Variants in FER observed in about 807,000 individuals in gnomAD.
The protein encoded by FER is FER tyrosine kinase.
FER carries 63 observed loss-of-function variants against 111.0 expected under a neutral mutation model. That is an observed-to-expected ratio of 0.57 (90% CI 0.46 to 0.70). FER has a LOEUF of 0.70. FER is among the 30% of genes least tolerant of loss of function. The pLI, the probability that FER is intolerant of heterozygous loss-of-function variation, is 0.00. For synonymous variants in FER, 327 were observed against 313.9 expected (o/e 1.04, Z -0.44); for missense variants, 914 against 954.0 (o/e 0.96, Z 0.55).
chr5:109,187,545 G>C lies in FER; in HGVS notation c.2439G>C (p.Glu813Asp), dbSNP rs1261225256. The C allele has an allele frequency of 2.5e-6, 4 of 1,614,066 alleles. No individual in the cohort carries two copies. The highest frequency in any genetic ancestry group is 1.7e-5 in the Admixed American group (1 of 60,016). The change falls in exon 20 of 20, where the codon GAG (glutamate) becomes GAC (aspartate). Residue 813 changes from glutamate to aspartate, a missense_variant. Glu to Asp is a conservative substitution (Grantham distance 45). Transcript: ENST00000281092. ...NRPKFSELQK[E>D]LTIIKRKLT ...CTAAGTTCAGTGAACTTCAGAAAGA[G>C]CTCACTATCATCAAGAGAAAACTCA...
intron 2 of FER, among the ~76,000 whole-genome samples, chr5:108,793,923 C>T (rs1024690623): frequency 1.3e-5 from 2 of 152,140 alleles, no homozygotes; most frequent in Admixed American, 1.3e-4. Flanking sequence ...AAACTCTACA[C>T]TTTAACTTTG....
chr5:109,111,033 C>G (rs934939241), intron 17 of FER, among the ~76,000 whole-genome samples: 1 of 152,068 alleles, frequency 6.6e-6, no homozygotes, highest in African/African-American at 2.4e-5. Flanking sequence ...CACTCAGAGT[C>G]TTAGCTACAG....
intron 13 of FER, among the ~76,000 whole-genome samples, chr5:109,000,831 T>A (rs114356744): frequency 1.3e-5 from 2 of 151,882 alleles, no homozygotes; most frequent in Non-Finnish European, 2.9e-5. Context: ...TATCACCACC[T>A]GTCCCACAGA....
intron 16 of FER, among the ~76,000 whole-genome samples, chr5:109,059,969 C>T (rs1431642721): frequency 6.6e-6 from 1 of 152,102 alleles, no homozygotes; most frequent in Non-Finnish European, 1.5e-5. Flanking sequence ...TTTAGTATAT[C>T]CATACAGTAA....
At chr5:109,009,015 A>G (rs1290551637) in intron 13 of FER, among the ~76,000 whole-genome samples, 1 of 144,778 alleles carries the variant, frequency 6.9e-6, no homozygotes, top group Non-Finnish European at 1.5e-5. Flanking sequence ...CAAAGCTTTC[A>G]TTTCACTAGT....
At chr5:108,956,849 C>T (rs752218301) in intron 12 of FER, among the ~76,000 whole-genome samples, 7 of 151,438 alleles carry the variant, frequency 4.6e-5, no homozygotes, top group Non-Finnish European at 8.9e-5. Context: ...GCCTCATATA[C>T]CTGTTGACTA....
chr5:109,047,083 G>A (rs528065795), intron 15 of FER, 21 bp from the exon 16 acceptor site: 35 of 1,254,750 alleles, frequency 2.8e-5, no homozygotes, highest in Admixed American at 1.3e-4. Flanking sequence ...ATAACTATTC[G>A]TATATTTTCA....
At chr5:108,984,058 A>C (rs1372681963) in intron 13 of FER, among the ~76,000 whole-genome samples, 1 of 152,076 alleles carries the variant, frequency 6.6e-6, no homozygotes, top group Admixed American at 6.6e-5. Flanking sequence ...CTTGAAATGT[A>C]TACTCTGGGG....
chr5:109,003,073 T>C (rs564380095), intron 13 of FER, among the ~76,000 whole-genome samples: 1 of 152,208 alleles, frequency 6.6e-6, no homozygotes, highest in East Asian at 1.9e-4. Context: ...TCCTCAGGGA[T>C]CTAGAACTAG....
At chr5:109,031,420 TTTAA>T (rs1373469616) in intron 13 of FER, among the ~76,000 whole-genome samples, 2 of 152,198 alleles carry the variant, frequency 1.3e-5, no homozygotes, top group Non-Finnish European at 2.9e-5. Context: ...ACCATAGTAT[TTTAA>T]TTGTTTGTTT....
intron 16 of FER, among the ~76,000 whole-genome samples, chr5:109,071,708 C>T (rs1291555832): frequency 6.6e-6 from 1 of 151,588 alleles, no homozygotes; most frequent in Non-Finnish European, 1.5e-5. Context: ...GAGAAGAGGA[C>T]ACGGGGAATT....
At chr5:109,061,832 G>A (rs1480260536) in intron 16 of FER, among the ~76,000 whole-genome samples, 3 of 152,158 alleles carry the variant, frequency 2.0e-5, no homozygotes, top group Non-Finnish European at 2.9e-5. Flanking sequence ...TTTCTAAAAT[G>A]TATTATGCAG....
chr5:109,068,458 A>C (rs1030225071), intron 16 of FER, among the ~76,000 whole-genome samples: 3 of 152,176 alleles, frequency 2.0e-5, no homozygotes, highest in African/African-American at 7.2e-5. Flanking sequence ...CTGGGATTAC[A>C]AGTGTGAGCC....
chr5:108,840,319 T>C (rs1206242723), intron 5 of FER, among the ~76,000 whole-genome samples: 1 of 152,206 alleles, frequency 6.6e-6, no homozygotes, highest in Non-Finnish European at 1.5e-5. Context: ...GTAAAAGTAA[T>C]AGCTATTTTC....
At chr5:108,818,549 G>A (rs1359493070) in intron 3 of FER, among the ~76,000 whole-genome samples, 1 of 152,058 alleles carries the variant, frequency 6.6e-6, no homozygotes, top group Admixed American at 6.6e-5. Context: ...TCTGAAAAAT[G>A]TTCTAAAATT....
intron 10 of FER, among the ~76,000 whole-genome samples, chr5:108,903,029 C>G (rs1750260269): frequency 6.6e-6 from 1 of 151,802 alleles, no homozygotes; most frequent in Non-Finnish European, 1.5e-5. Flanking sequence ...ACTTCGTTTT[C>G]CCTTCAGAAT....
intron 14 of FER, among the ~76,000 whole-genome samples, chr5:109,041,356 AAGG>A (rs2149892977): frequency 6.6e-6 from 1 of 152,236 alleles, no homozygotes; most frequent in Non-Finnish European, 1.5e-5. Flanking sequence ...TGGAACACAG[AAGG>A]AGGAGAATAT....
At chr5:109,160,891 A>C (rs1755916871) in intron 17 of FER, among the ~76,000 whole-genome samples, 1 of 152,200 alleles carries the variant, frequency 6.6e-6, no homozygotes. Context: ...TCTCTTGGGA[A>C]TCTGAAAGAC....
At chr5:109,145,008 G>C (rs1290877458) in intron 17 of FER, among the ~76,000 whole-genome samples, 1 of 151,352 alleles carries the variant, frequency 6.6e-6, no homozygotes, top group African/African-American at 2.4e-5. Flanking sequence ...AAAAAAATCT[G>C]ACCAGGATTG....
Sources: allele counts gnomAD v4.1 joint callset (sites outside exome capture counted in the v4.1 genomes callset), GRCh38; gene constraint gnomAD v4.1.1; transcripts MANE v1.5; gene names NCBI Gene and HGNC (gene_info 2026-07-23, HGNC 2026-07-21).